Variants in ZNF407 observed in about 807,000 individuals in gnomAD.
ZNF407 encodes zinc finger protein 407.
Under a neutral mutation model 131.2 loss-of-function variants are expected in ZNF407, and 17 were observed. That is an observed-to-expected ratio of 0.13 (90% CI 0.09 to 0.19). The LOEUF is 0.19. ZNF407 is among the 10% of genes least tolerant of loss of function. ZNF407 has a pLI of 1.00. For synonymous variants in ZNF407, 1,156 were observed against 1,062.0 expected, an observed-to-expected ratio of 1.09 and a Z score of -1.72; for missense variants, 2,681 against 2,830.6, an observed-to-expected ratio of 0.95 and a Z score of 1.20.
At chr18:74,751,966 G>A (rs969617954) in intron 3 of ZNF407, among the ~76,000 whole-genome samples, 5 of 152,200 alleles carry the variant, frequency 3.3e-5, no homozygotes, top group Non-Finnish European at 5.9e-5. Flanking sequence ...CACAATGGTT[G>A]AAGTAGTTTA....
chr18:74,799,394 T>C (rs1180966157), intron 4 of ZNF407, among the ~76,000 whole-genome samples: 1 of 152,030 alleles, frequency 6.6e-6, no homozygotes, highest in African/African-American at 2.4e-5. Flanking sequence ...CTTGAGAGAA[T>C]TCCTGCCCTT....
chr18:74,624,097 T>C (rs554272416), intron 1 of ZNF407, among the ~76,000 whole-genome samples: 1,568 of 152,284 alleles, frequency 0.01, 29 homozygotes, highest in African/African-American at 0.035. Flanking sequence ...GCACTGGTAC[T>C]TTGAGAGGGA....
chr18:74,878,175 C>A (rs1324463242), intron 5 of ZNF407, among the ~76,000 whole-genome samples: 1 of 152,070 alleles, frequency 6.6e-6, no homozygotes, highest in Non-Finnish European at 1.5e-5. Context: ...AACTTCCTTA[C>A]AAGCTTATAT....
chr18:74,910,912 C>G (rs1197307841), intron 7 of ZNF407, among the ~76,000 whole-genome samples: 2 of 152,142 alleles, frequency 1.3e-5, no homozygotes, highest in Non-Finnish European at 2.9e-5. Flanking sequence ...ATCCCTTTCC[C>G]ACCTCCCGTC....
At chr18:74,962,641 G>A (rs553479886) in intron 8 of ZNF407, among the ~76,000 whole-genome samples, 1 of 152,138 alleles carries the variant, frequency 6.6e-6, no homozygotes, top group African/African-American at 2.4e-5. Flanking sequence ...TCCATGTCTC[G>A]TCTCCTAAGG....
At chr18:74,826,311 G>A (rs112848917) in intron 4 of ZNF407, among the ~76,000 whole-genome samples, 15 of 152,058 alleles carry the variant, frequency 9.9e-5, no homozygotes, top group Non-Finnish European at 1.8e-4. Flanking sequence ...ACACCATGTC[G>A]TTAGCCTGTT....
chr18:74,852,195 A>ACG (rs1555694783), intron 4 of ZNF407, among the ~76,000 whole-genome samples: 1,373 of 61,958 alleles, frequency 0.022, 20 homozygotes, highest in African/African-American at 0.07. Context: ...ACACACACAC[A>ACG]CACGCACGCA....
At chr18:74,764,851 T>TA (rs1173259621) in intron 3 of ZNF407, among the ~76,000 whole-genome samples, 3 of 152,222 alleles carry the variant, frequency 2.0e-5, no homozygotes, top group Non-Finnish European at 4.4e-5. Flanking sequence ...TTAAGCTTGA[T>TA]AAAAGAAATT....
chr18:74,774,837 T>C (rs966527987), intron 3 of ZNF407, among the ~76,000 whole-genome samples: 1 of 152,292 alleles, frequency 6.6e-6, no homozygotes, highest in East Asian at 1.9e-4. Flanking sequence ...TGGAGTTGTG[T>C]GCTGAAGTTT....
At chr18:74,695,544 A>AG (rs1967333819) in intron 3 of ZNF407, among the ~76,000 whole-genome samples, 1 of 145,378 alleles carries the variant, frequency 6.9e-6, no homozygotes, top group South Asian at 2.2e-4. Context: ...GATTTAAAGA[A>AG]AAAAAAAAAA....
chr18:74,734,551 T>C (rs945512764), intron 3 of ZNF407, among the ~76,000 whole-genome samples: 2 of 152,198 alleles, frequency 1.3e-5, no homozygotes, highest in African/African-American at 2.4e-5. Context: ...AATGAGACTG[T>C]AATGCCATTG....
rs1970362531 is a variant in ZNF407, at chr18:74,823,052, G to A, written c.4877+41550G>A. Among the ~76,000 whole-genome samples, 3 of 152,172 alleles carry A rather than the reference G, an allele frequency of 2.0e-5. No individual in the cohort carries two copies. The East Asian group carries it at 5.8e-4, about 29-fold the overall frequency. On this transcript the variant is annotated intron_variant, in intron 4 of 8. Coordinates refer to ENST00000299687, the MANE Select transcript of ZNF407 (RefSeq NM_017757.3). ...CGATTGTGAATGGGAGTTTGCTCAT[G>A]ATTTGGCTCTCCATTTGTCTGTTGT...
intron 3 of ZNF407, among the ~76,000 whole-genome samples, chr18:74,771,082 T>G (rs1361995681): frequency 1.3e-5 from 2 of 152,186 alleles, no homozygotes; most frequent in Non-Finnish European, 2.9e-5. Context: ...TTGCTTGATA[T>G]AAAATTACAA....
chr18:74,756,129 T>C (rs991558523), intron 3 of ZNF407, among the ~76,000 whole-genome samples: 4 of 151,650 alleles, frequency 2.6e-5, no homozygotes, highest in Non-Finnish European at 4.4e-5. Context: ...CCTGACCTCA[T>C]GATGTGCTCA....
intron 3 of ZNF407, among the ~76,000 whole-genome samples, chr18:74,714,610 T>C (rs1280355613): frequency 6.6e-6 from 1 of 152,244 alleles, no homozygotes; most frequent in Non-Finnish European, 1.5e-5. Context: ...TCTTCTGGCA[T>C]GATGCTTTCA....
At chr18:74,936,503 G>T (rs999513867) in intron 8 of ZNF407, among the ~76,000 whole-genome samples, 5 of 152,176 alleles carry the variant, frequency 3.3e-5, no homozygotes, top group African/African-American at 1.2e-4. Context: ...CTCTCAGTGA[G>T]TCCCAGGCTT....
chr18:74,620,580 G>T (rs1404876302), intron 1 of ZNF407, among the ~76,000 whole-genome samples: 2 of 152,226 alleles, frequency 1.3e-5, no homozygotes, highest in Non-Finnish European at 2.9e-5. Flanking sequence ...ACATGAGTGA[G>T]AATTTTACTA....
intron 8 of ZNF407, among the ~76,000 whole-genome samples, chr18:75,045,611 G>C (rs1353863575): frequency 6.6e-6 from 1 of 152,194 alleles, no homozygotes; most frequent in Admixed American, 6.5e-5. Context: ...TCATGTGGCT[G>C]TTTTATGAAT....
At chr18:74,885,676 A>T (rs1272892340) in intron 6 of ZNF407, among the ~76,000 whole-genome samples, 1 of 152,218 alleles carries the variant, frequency 6.6e-6, no homozygotes, top group African/African-American at 2.4e-5. Context: ...ATAGACGTGT[A>T]CTACATGGGG....
Sources: allele counts gnomAD v4.1 joint callset (sites outside exome capture counted in the v4.1 genomes callset), GRCh38; gene constraint gnomAD v4.1.1; transcripts MANE v1.5; gene names NCBI Gene and HGNC (gene_info 2026-07-23, HGNC 2026-07-21).